ARB2A: variants seen among roughly 807,000 people sequenced by gnomAD.
ARB2A encodes cotranscriptional regulator ARB2A.
At chr5:93,958,287 CA>C in the ARB2A span, among the ~76,000 whole-genome samples, 122 of 151,864 alleles carry the variant, frequency 8.0e-4, no homozygotes, top group Admixed American at 3.3e-4. Flanking sequence ...AAAGAAACGA[CA>C]AAAAAATTTA....
the ARB2A span, among the ~76,000 whole-genome samples, chr5:93,973,314 A>T: frequency 6.6e-6 from 1 of 151,574 alleles, no homozygotes; most frequent in East Asian, 2.0e-4. Context: ...CAAGCAGAAG[A>T]AGGAATCTCA....
At chr5:93,992,002 T>C in the ARB2A span, among the ~76,000 whole-genome samples, 1 of 151,478 alleles carries the variant, frequency 6.6e-6, no homozygotes, top group Non-Finnish European at 1.5e-5. Context: ...AGAAAAAAAA[T>C]CTTAAAAGCT....
At chr5:93,834,962 G>A in the ARB2A span, among the ~76,000 whole-genome samples, 2 of 152,142 alleles carry the variant, frequency 1.3e-5, no homozygotes, top group African/African-American at 4.8e-5. Flanking sequence ...ACATTAGAGT[G>A]CATTTTGTAT....
the ARB2A span, among the ~76,000 whole-genome samples, chr5:93,801,085 A>G: frequency 2.9e-4 from 44 of 152,232 alleles, 1 homozygote; most frequent in Admixed American, 2.1e-3. Flanking sequence ...ATCCAAATGA[A>G]TCACACTAAC....
the ARB2A span, among the ~76,000 whole-genome samples, chr5:93,888,258 A>T: frequency 6.6e-6 from 1 of 151,904 alleles, no homozygotes; most frequent in Non-Finnish European, 1.5e-5. Flanking sequence ...ATGATTTAAT[A>T]CCATAGTTTT....
At chr5:93,931,713 C>G in the ARB2A span, among the ~76,000 whole-genome samples, 1 of 151,750 alleles carries the variant, frequency 6.6e-6, no homozygotes, top group Admixed American at 6.6e-5. Flanking sequence ...ACAAAGTGAA[C>G]AGACACATGT....
chr5:94,058,291 T>G, the ARB2A span, among the ~76,000 whole-genome samples: 1 of 152,098 alleles, frequency 6.6e-6, no homozygotes, highest in Non-Finnish European at 1.5e-5. Context: ...TTTAAAGGAA[T>G]AGAAGAAAAT....
the ARB2A span, chr5:93,740,573 A>C: frequency 6.3e-7 from 1 of 1,586,750 alleles, no homozygotes; most frequent in South Asian, 1.1e-5. Context: ...CAAGCCCCTC[A>C]GCCCTAAAAT....
At chr5:93,622,144 A>G in the ARB2A span, among the ~76,000 whole-genome samples, 1 of 152,360 alleles carries the variant, frequency 6.6e-6, no homozygotes. Flanking sequence ...CTTATGTAGC[A>G]TTTTACCAGT....
the ARB2A span, among the ~76,000 whole-genome samples, chr5:94,059,770 G>A: frequency 2.9e-4 from 44 of 151,470 alleles, no homozygotes; most frequent in Non-Finnish European, 1.0e-4. Context: ...CATCAACCTG[G>A]AATTCTATGC....
chr5:93,971,344 G>A, the ARB2A span, among the ~76,000 whole-genome samples: 44 of 152,008 alleles, frequency 2.9e-4, no homozygotes, highest in Admixed American at 2.2e-3. Context: ...GAGGCAGGTG[G>A]ATCACCTGAG....
chr5:93,647,933 A>G, the ARB2A span, among the ~76,000 whole-genome samples: 14 of 152,144 alleles, frequency 9.2e-5, no homozygotes, highest in Non-Finnish European at 1.3e-4. Flanking sequence ...ATGTGAGCTC[A>G]GGACTTGGAG....
chr5:93,733,699 A>G, the ARB2A span: 1 of 152,148 alleles, frequency 6.6e-6, no homozygotes, highest in Non-Finnish European at 1.5e-5. Context: ...ATAATTGGCC[A>G]CCTAAATCTT....
chr5:93,765,540 G>A, the ARB2A span, among the ~76,000 whole-genome samples: 16 of 152,212 alleles, frequency 1.1e-4, no homozygotes, highest in East Asian at 9.7e-4. Context: ...TCAATGAAAT[G>A]AAAGAGGATA....
At chr5:94,028,980 T>C in the ARB2A span, among the ~76,000 whole-genome samples, 2 of 152,120 alleles carry the variant, frequency 1.3e-5, no homozygotes, top group African/African-American at 4.8e-5. Context: ...CACACTGCAT[T>C]TGGGTGGCGG....
chr5:94,004,866 G>A, the ARB2A span, among the ~76,000 whole-genome samples: 1 of 151,270 alleles, frequency 6.6e-6, no homozygotes, highest in Non-Finnish European at 1.5e-5. Flanking sequence ...ATTGAACTCA[G>A]CCAAAACAAA....
the ARB2A span, among the ~76,000 whole-genome samples, chr5:94,039,627 A>G: frequency 5.3e-5 from 8 of 152,108 alleles, no homozygotes; most frequent in African/African-American, 1.9e-4. Flanking sequence ...TTTATTCCTC[A>G]TCATTCTTAA....
the ARB2A span, among the ~76,000 whole-genome samples, chr5:94,014,808 C>T: frequency 1.2e-3 from 184 of 150,196 alleles, no homozygotes; most frequent in African/African-American, 4.2e-3. Context: ...AGGAAAGAAT[C>T]AGAGAACTCA....
the ARB2A span, among the ~76,000 whole-genome samples, chr5:93,709,655 A>C: frequency 6.7e-6 from 1 of 149,660 alleles, no homozygotes; most frequent in Non-Finnish European, 1.5e-5. Flanking sequence ...AAAAAAAAAA[A>C]AACCATAAAT....
Sources: gnomAD v4.1 joint callset for allele counts (sites outside exome capture counted in the v4.1 genomes callset) on GRCh38, gnomAD v4.1.1 for gene constraint, MANE v1.5 for transcripts, NCBI Gene and HGNC (gene_info 2026-07-23, HGNC 2026-07-21) for gene names.